The following GMDS variants were observed in gnomAD, a reference collection of about 807,000 sequenced individuals.
GMDS encodes GDP-mannose 4,6-dehydratase.
GMDS carries 20 observed loss-of-function variants against 49.9 expected under a neutral mutation model. The ratio of observed to expected loss-of-function variants is 0.40; its 90% CI spans 0.28 to 0.58. GMDS has a LOEUF of 0.58. Ranked by LOEUF, GMDS falls within the 20% of genes least tolerant of loss-of-function variation. The pLI is 0.42. For missense variants in GMDS, 362 were observed against 481.4 expected (o/e 0.75, Z 2.32); for synonymous variants, 177 against 178.6 (o/e 0.99, Z 0.07).
intron 9 of GMDS, among the ~76,000 whole-genome samples, chr6:1,711,022 C>A (rs1318438393): frequency 6.6e-6 from 1 of 152,224 alleles, no homozygotes; most frequent in Non-Finnish European, 1.5e-5. Flanking sequence ...GGAGCCGGAC[C>A]TGGCAGTTCA....
intron 7 of GMDS, among the ~76,000 whole-genome samples, chr6:1,831,581 T>C (rs1756642792): frequency 6.6e-6 from 1 of 152,238 alleles, no homozygotes; most frequent in Non-Finnish European, 1.5e-5. Flanking sequence ...GGATGCCATG[T>C]CACTCAGGCG....
At chr6:1,968,088 C>T (rs1398775009) in intron 4 of GMDS, among the ~76,000 whole-genome samples, 1 of 152,220 alleles carries the variant, frequency 6.6e-6, no homozygotes, top group African/African-American at 2.4e-5. Context: ...TCCAGGATCA[C>T]TGAAGCCCTT....
intron 9 of GMDS, among the ~76,000 whole-genome samples, chr6:1,720,820 G>A (rs1766358405): frequency 6.6e-6 from 1 of 152,122 alleles, no homozygotes. Flanking sequence ...GAGCAGGAGC[G>A]GGAGGGATGG....
At chr6:1,960,100 C>A (rs2127295981) in intron 5 of GMDS, 129 bp from the exon 6 acceptor site, 1 of 530,502 alleles carries the variant, frequency 1.9e-6, no homozygotes, top group Non-Finnish European at 3.4e-6. Context: ...AGTATCAAAA[C>A]CCAAAGACGA....
chr6:2,044,646 GAAC>G (rs1769890691), intron 4 of GMDS, among the ~76,000 whole-genome samples: 1 of 152,094 alleles, frequency 6.6e-6, no homozygotes. Flanking sequence ...GAAATAATCC[GAAC>G]AACAAACCCC....
intron 9 of GMDS, among the ~76,000 whole-genome samples, chr6:1,648,645 G>A (rs1383370014): frequency 6.6e-6 from 1 of 152,240 alleles, no homozygotes; most frequent in African/African-American, 2.4e-5. Flanking sequence ...TTTGCAAAGA[G>A]AACTGTCAGA....
chr6:1,716,200 G>A (rs1766170936), intron 9 of GMDS, among the ~76,000 whole-genome samples: 1 of 152,154 alleles, frequency 6.6e-6, no homozygotes, highest in Non-Finnish European at 1.5e-5. Context: ...TACTGTTAAG[G>A]ATCCACGTTT....
intron 1 of GMDS, among the ~76,000 whole-genome samples, chr6:2,149,449 T>C (rs958020075): frequency 6.8e-4 from 104 of 152,096 alleles, no homozygotes; most frequent in African/African-American, 2.5e-3. Context: ...GCACACACAA[T>C]AAACACGCAC....
intron 9 of GMDS, among the ~76,000 whole-genome samples, chr6:1,685,570 C>T (rs1009771497): frequency 6.6e-6 from 1 of 152,026 alleles, no homozygotes; most frequent in Non-Finnish European, 1.5e-5. Context: ...CCATTCATGC[C>T]AACAATGACT....
chr6:1,891,729 C>T (rs1351961127), intron 7 of GMDS, among the ~76,000 whole-genome samples: 1 of 152,184 alleles, frequency 6.6e-6, no homozygotes, highest in African/African-American at 2.4e-5. Flanking sequence ...GTGGGTCCCA[C>T]CCAGATCTAC....
intron 9 of GMDS, among the ~76,000 whole-genome samples, chr6:1,713,189 G>C (rs1402542593): frequency 6.6e-6 from 1 of 152,238 alleles, no homozygotes; most frequent in Non-Finnish European, 1.5e-5. Context: ...CAGCGGGTGG[G>C]CGCTAGCCTT....
intron 7 of GMDS, among the ~76,000 whole-genome samples, chr6:1,883,079 A>G (rs1759436324): frequency 1.3e-5 from 2 of 152,224 alleles, no homozygotes; most frequent in African/African-American, 2.4e-5. Flanking sequence ...AAAAACAAAT[A>G]TATAAGTAGG....
intron 4 of GMDS, among the ~76,000 whole-genome samples, chr6:2,103,837 G>A (rs1774063839): frequency 6.6e-6 from 1 of 152,156 alleles, no homozygotes; most frequent in African/African-American, 2.4e-5. Flanking sequence ...TCATTATTTA[G>A]GAATGTTAAT....
At chr6:2,175,634 T>C (rs966369262) in intron 1 of GMDS, among the ~76,000 whole-genome samples, 2 of 152,208 alleles carry the variant, frequency 1.3e-5, no homozygotes, top group Admixed American at 6.5e-5. Context: ...CACACTGTCA[T>C]TACCCAAGCC....
chr6:1,709,275 G>A (rs1419023908), intron 9 of GMDS, among the ~76,000 whole-genome samples: 1 of 152,230 alleles, frequency 6.6e-6, no homozygotes, highest in Non-Finnish European at 1.5e-5. Context: ...TGTCCTTAGA[G>A]GCTAATGTGC....
At chr6:2,048,303 A>T (rs1347066401) in intron 4 of GMDS, among the ~76,000 whole-genome samples, 1 of 152,164 alleles carries the variant, frequency 6.6e-6, no homozygotes, top group Non-Finnish European at 1.5e-5. Context: ...TGGTATAAGA[A>T]TTTTTTCCAT....
At chr6:1,801,194 A>G (rs377217597) in intron 7 of GMDS, among the ~76,000 whole-genome samples, 181 of 152,336 alleles carry the variant, frequency 1.2e-3, no homozygotes, top group African/African-American at 4.2e-3. Flanking sequence ...GAACAGAGAA[A>G]TATTCTGTGA....
chr6:1,914,917 G>A (rs1036117439), intron 7 of GMDS, among the ~76,000 whole-genome samples: 2 of 152,236 alleles, frequency 1.3e-5, no homozygotes, highest in Non-Finnish European at 2.9e-5. Flanking sequence ...TTAGGCCTGG[G>A]CAGAAGTGTG....
rs142571860 is a variant in GMDS at position 1,945,607 on chromosome 6, C to T, written c.643+14260G>A. Among the ~76,000 whole-genome samples the T allele has an allele frequency of 2.5e-3, 376 of 152,220 alleles. 3 individuals are homozygous for T. The highest frequency in any genetic ancestry group is 8.7e-3 in the African/African-American group (361 of 41,530). ...TGATAGATTTGCATGACAGTAATGT[C>T]TGTGAACCCAATATTCTTCACGCCT... is the stretch of plus-strand genomic sequence containing the variant. On this transcript the variant is annotated intron_variant, in intron 6 of 10. Transcript: ENST00000380815.
Sources: allele counts gnomAD v4.1 joint callset (sites outside exome capture counted in the v4.1 genomes callset), GRCh38; gene constraint gnomAD v4.1.1; transcripts MANE v1.5; gene names NCBI Gene and HGNC (gene_info 2026-07-23, HGNC 2026-07-21).